Variants in SNTG1 observed in about 807,000 individuals in gnomAD.
The protein encoded by SNTG1 is gamma-1-syntrophin.
SNTG1 carries 39 observed loss-of-function variants against 74.7 expected under a neutral mutation model. That is an observed-to-expected ratio of 0.52 (90% CI 0.40 to 0.68). SNTG1 has a LOEUF of 0.68. Among genes scored for constraint, SNTG1 ranks in the 30% least tolerant of loss-of-function variants. The pLI is 0.00. For synonymous variants in SNTG1, 254 were observed against 217.1 expected (o/e 1.17, Z -1.49); for missense variants, 685 against 609.5 (o/e 1.12, Z -1.30).
chr8:50,381,588 G>GTA (rs1193413402), intron 2 of SNTG1, among the ~76,000 whole-genome samples: 2 of 134,354 alleles, frequency 1.5e-5, no homozygotes, highest in African/African-American at 5.3e-5. Flanking sequence ...GTGTGTGTGT[G>GTA]TGTGTATATA....
At chr8:50,183,010 C>A (rs1049069131) in intron 2 of SNTG1, among the ~76,000 whole-genome samples, 1 of 152,014 alleles carries the variant, frequency 6.6e-6, no homozygotes, top group Non-Finnish European at 1.5e-5. Context: ...AAGTGGTGGC[C>A]AACTTTACAT....
intron 18 of SNTG1, among the ~76,000 whole-genome samples, chr8:50,784,380 A>G (rs1178131574): frequency 1.3e-5 from 2 of 152,154 alleles, no homozygotes; most frequent in Non-Finnish European, 2.9e-5. Context: ...ATGAAAAAAG[A>G]ACCCGAATAA....
intron 17 of SNTG1, among the ~76,000 whole-genome samples, chr8:50,749,599 G>A (rs1454695948): frequency 1.3e-5 from 2 of 151,916 alleles, no homozygotes; most frequent in East Asian, 3.9e-4. Flanking sequence ...CTCTTGTTGG[G>A]ACCAATGCAG....
At chr8:50,561,207 G>C (rs1843009) in intron 12 of SNTG1, among the ~76,000 whole-genome samples, 100,252 of 151,874 alleles carry the variant, frequency 0.66, 34,874 homozygotes, top group East Asian at 0.79. Context: ...CCCCTTTGCT[G>C]TCTCTCTCCT....
At chr8:50,665,838 G>C (rs1051643563) in intron 15 of SNTG1, among the ~76,000 whole-genome samples, 1 of 152,150 alleles carries the variant, frequency 6.6e-6, no homozygotes, top group Non-Finnish European at 1.5e-5. Flanking sequence ...AGTGAAAAAT[G>C]TGACAAGGGA....
intron 8 of SNTG1, among the ~76,000 whole-genome samples, chr8:50,470,960 T>C (rs2093648922): frequency 6.6e-6 from 1 of 152,192 alleles, no homozygotes; most frequent in Non-Finnish European, 1.5e-5. Context: ...TTGGTTCATA[T>C]TTACAGAGTG....
intron 1 of SNTG1, among the ~76,000 whole-genome samples, chr8:50,087,113 A>T (rs1822961913): frequency 6.6e-6 from 1 of 152,078 alleles, no homozygotes; most frequent in African/African-American, 2.4e-5. Context: ...TTGTGAAATA[A>T]GTGAGAGATT....
chr8:50,582,440 A>G (rs754616436), intron 12 of SNTG1, among the ~76,000 whole-genome samples: 3 of 152,086 alleles, frequency 2.0e-5, no homozygotes, highest in Non-Finnish European at 4.4e-5. Context: ...TTAGATACTG[A>G]TAAGTATCTC....
chr8:50,338,523 A>C (rs1448032412), intron 2 of SNTG1, among the ~76,000 whole-genome samples: 1 of 152,240 alleles, frequency 6.6e-6, no homozygotes, highest in African/African-American at 2.4e-5. Flanking sequence ...GTATAATGGA[A>C]TAAAGTTGAC....
intron 2 of SNTG1, among the ~76,000 whole-genome samples, chr8:50,378,262 A>G (rs1212934375): frequency 3.3e-5 from 5 of 152,220 alleles, no homozygotes; most frequent in Admixed American, 2.6e-4. Flanking sequence ...AGCAGCTCCC[A>G]CAGGTGGCAT....
chr8:50,659,204 G>A (rs566690736), intron 15 of SNTG1, among the ~76,000 whole-genome samples: 1 of 152,118 alleles, frequency 6.6e-6, no homozygotes, highest in Non-Finnish European at 1.5e-5. Context: ...CATGCCATAT[G>A]CAGGATTATT....
In SNTG1 at chr8:50,337,042, T is replaced by C. The variant is rs868033939; in HGVS notation, c.-27-57170T>C. Among the ~76,000 whole-genome samples, 10 of 152,250 alleles carry C rather than the reference T, an allele frequency of 6.6e-5. No individual in the cohort carries two copies. The South Asian group carries it at 8.3e-4, about 13-fold the overall frequency. ...TCAAAAGTTCCGTACAGAAAATGTA[T>C]TGATAGTCCCCCTGGCTTTTTTCCC... is the stretch of plus-strand genomic sequence containing the variant. On this transcript the variant is annotated intron_variant, in intron 2 of 18. Transcript: ENST00000642720.
At chr8:50,022,394 A>C (rs777886802) in intron 1 of SNTG1, among the ~76,000 whole-genome samples, 1 of 152,208 alleles carries the variant, frequency 6.6e-6, no homozygotes, top group Non-Finnish European at 1.5e-5. Context: ...CTGGAGTCCG[A>C]TGCTGCCAGT....
chr8:50,473,270 A>G (rs1005768159), intron 8 of SNTG1, among the ~76,000 whole-genome samples: 3 of 152,116 alleles, frequency 2.0e-5, no homozygotes, highest in Non-Finnish European at 4.4e-5. Context: ...TACCTTATGA[A>G]GAAGATGCCT....
At chr8:50,131,756 C>G (rs1040980921) in intron 1 of SNTG1, among the ~76,000 whole-genome samples, 1 of 151,924 alleles carries the variant, frequency 6.6e-6, no homozygotes, top group South Asian at 2.1e-4. Flanking sequence ...TTTTGAGGAA[C>G]CTCCATTCTG....
chr8:50,016,958 G>A (rs1038578063), intron 1 of SNTG1, among the ~76,000 whole-genome samples: 19 of 152,024 alleles, frequency 1.2e-4, no homozygotes, highest in Non-Finnish European at 4.4e-5. Context: ...TTAAAGTTGT[G>A]GCAGAAAAGG....
At chr8:50,730,708 TACAG>T (rs1348567877) in intron 17 of SNTG1, among the ~76,000 whole-genome samples, 2 of 152,190 alleles carry the variant, frequency 1.3e-5, no homozygotes, top group Admixed American at 1.3e-4. Context: ...TTTTAATGAA[TACAG>T]AAAGATCCAT....
At chr8:50,652,826 TAATA>T (rs915468580) in intron 13 of SNTG1, among the ~76,000 whole-genome samples, 52 of 151,632 alleles carry the variant, frequency 3.4e-4, no homozygotes, top group Admixed American at 1.6e-3. Context: ...AATAAATAAA[TAATA>T]AATAAATAAA....
chr8:49,938,421 A>G (rs2129368941), intron 1 of SNTG1, among the ~76,000 whole-genome samples: 1 of 152,274 alleles, frequency 6.6e-6, no homozygotes, highest in East Asian at 1.9e-4. Context: ...TAAATTGGAT[A>G]CTCAGGATGA....
Sources: gnomAD v4.1 joint callset for allele counts (sites outside exome capture counted in the v4.1 genomes callset) on GRCh38, gnomAD v4.1.1 for gene constraint, MANE v1.5 for transcripts, NCBI Gene and HGNC (gene_info 2026-07-23, HGNC 2026-07-21) for gene names.